Variants in SPON2 observed in about 807,000 individuals in gnomAD.
SPON2 encodes the protein spondin 2, also known as spondin-2.
SPON2 carries 32 observed loss-of-function variants against 29.9 expected under a neutral mutation model. The ratio of observed to expected loss-of-function variants is 1.07; its 90% CI spans 0.81 to 1.44. The LOEUF is 1.44. Ranked by LOEUF, SPON2 falls within the 40% of genes most tolerant of loss-of-function variation. SPON2 has a pLI of 0.00. For synonymous variants in SPON2, 248 were observed against 209.1 expected, an observed-to-expected ratio of 1.19 and a Z score of -1.61; for missense variants, 541 against 455.5, an observed-to-expected ratio of 1.19 and a Z score of -1.71.
chr4:1,167,733 C>T, intron 5 of SPON2, 77 bp from the exon 6 acceptor site: 9 of 1,466,874 alleles, frequency 6.1e-6, no homozygotes, highest in African/African-American at 1.4e-5. Context: ...CCACCTCCCA[C>T]CAACGTGTGC....
chr4:1,197,919 G>A (rs1181312913), upstream of SPON2, among the ~76,000 whole-genome samples: 1 of 152,004 alleles, frequency 6.6e-6, no homozygotes, highest in African/African-American at 2.4e-5. Context: ...ATGGTGGTGC[G>A]TGCCCGTAGT....
At chr4:1,175,476 T>TG (rs1459419696), upstream of SPON2, among the ~76,000 whole-genome samples, 4 of 151,952 alleles carry the variant, frequency 2.6e-5, no homozygotes, top group Non-Finnish European at 2.9e-5. Flanking sequence ...GGGCCCAGGC[T>TG]GGGGGGTCTC....
intron 1 of SPON2, among the ~76,000 whole-genome samples, chr4:1,188,022 T>C (rs1727836850): frequency 6.7e-6 from 1 of 150,030 alleles, no homozygotes; most frequent in Non-Finnish European, 1.5e-5. Context: ...GCCAACACGA[T>C]GAAACACCGT....
chr4:1,194,377 G>A (rs1727989608), intron 1 of SPON2, among the ~76,000 whole-genome samples: 1 of 152,186 alleles, frequency 6.6e-6, no homozygotes, highest in Non-Finnish European at 1.5e-5. Flanking sequence ...GCCCCAGGGT[G>A]GGAGGCCTGG....
At chr4:1,184,626 T>C (rs1357845775) in intron 1 of SPON2, among the ~76,000 whole-genome samples, 1 of 152,072 alleles carries the variant, frequency 6.6e-6, no homozygotes, top group Non-Finnish European at 1.5e-5. Context: ...TACTACAAGG[T>C]TCCAGTAATC....
At chr4:1,200,673 C>T in intron 1 of SPON2, 1 of 382,794 alleles carries the variant, frequency 2.6e-6, no homozygotes, top group South Asian at 1.9e-5. Flanking sequence ...CACTGCAGGC[C>T]AGGTGTGGAC....
rs1411429391 is a variant in SPON2, at chr4:1,171,891, G to A, written c.181C>T (p.Pro61Ser). ...CACTGCGCAGGGGGGCGGAACAGGG[G>A]GTACTGCTTGGGGAAGGCCGTCTGG... ...WSQTAFPKQY[P>S]LFRPPAQWSS... Residue 61 changes from proline to serine, a missense_variant, in exon 2 of 6, where the codon CCC becomes TCC. Pro to Ser is a moderately conservative substitution (Grantham distance 74). Transcript: ENST00000290902. 1 of 1,612,848 alleles carries A rather than the reference G, an allele frequency of 6.2e-7. No homozygotes were observed. The highest frequency in any genetic ancestry group is 8.5e-7 in the Non-Finnish European group (1 of 1,179,918).
At chr4:1,201,224 G>C (rs949347038) in intron 1 of SPON2, 12 of 427,114 alleles carry the variant, frequency 2.8e-5, no homozygotes, top group Non-Finnish European at 5.3e-5. Flanking sequence ...CAAAGAGGGG[G>C]TGGGTCTGGC....
upstream of SPON2, among the ~76,000 whole-genome samples, chr4:1,197,743 G>T (rs1382850412): frequency 2.0e-5 from 3 of 152,118 alleles, no homozygotes; most frequent in Non-Finnish European, 2.9e-5. Flanking sequence ...CAGCCCAAAA[G>T]CTGCATCAAG....
Position 1,170,862 on chromosome 4 carries a change from G to C in SPON2, c.636+137C>G, listed in dbSNP as rs1359772237. ...CTGCACCCCCTTGCTCACTGCTGGC[G>C]CTAGAAGCAGAGCCTCTTCCACACA... On this transcript the variant is annotated intron_variant, in intron 4 of 5. Transcript: ENST00000290902. 6.4e-6 allele frequency: 8 copies of C among 1,255,924 alleles called. No individual in the cohort carries two copies. The South Asian group carries it at 7.7e-5, about 12-fold the overall frequency. The allele number at this position is 1,255,924 out of a possible 1,614,324, so 77.8% of individuals were successfully genotyped here.
At chr4:1,170,322 C>T (rs555480249) in intron 5 of SPON2, 80 bp downstream of exon 5, 2 of 1,400,280 alleles carry the variant, frequency 1.4e-6, no homozygotes, top group East Asian at 4.6e-5. Flanking sequence ...TTTCTCAGAG[C>T]CTTAGGTTCG....
At chr4:1,203,991 C>T (rs954041741) in intron 1 of SPON2, among the ~76,000 whole-genome samples, 8 of 152,158 alleles carry the variant, frequency 5.3e-5, no homozygotes, top group African/African-American at 1.9e-4. Flanking sequence ...TTGCCTCTGC[C>T]TCCTGAGTAG....
chr4:1,197,967 GAA>G (rs1728105816), upstream of SPON2, among the ~76,000 whole-genome samples: 1 of 150,542 alleles, frequency 6.6e-6, no homozygotes, highest in Non-Finnish European at 1.5e-5. Context: ...ACAATTGCTT[GAA>G]TCCGGGAGGT....
At chr4:1,193,555 G>C (rs953845423) in intron 1 of SPON2, among the ~76,000 whole-genome samples, 1 of 144,488 alleles carries the variant, frequency 6.9e-6, no homozygotes, top group African/African-American at 2.6e-5. Flanking sequence ...CCCAGCAACA[G>C]GGGTCACTCC....
At chr4:1,185,977 G>GCT (rs1312458907) in intron 1 of SPON2, among the ~76,000 whole-genome samples, 3 of 151,860 alleles carry the variant, frequency 2.0e-5, no homozygotes, top group African/African-American at 7.3e-5. Flanking sequence ...GGGCGTGGTG[G>GCT]CTCACGCCTG....
chr4:1,200,564 T>G (rs1456031515), intron 1 of SPON2: 1 of 340,456 alleles, frequency 2.9e-6, no homozygotes, highest in African/African-American at 2.1e-5. Context: ...GTGTAAACCA[T>G]GAGCTCACCC....
intron 1 of SPON2, among the ~76,000 whole-genome samples, chr4:1,191,316 T>C (rs1189360720): frequency 6.6e-6 from 1 of 152,182 alleles, no homozygotes; most frequent in Non-Finnish European, 1.5e-5. Flanking sequence ...CCTACTTTTA[T>C]GGTGAACTGG....
chr4:1,174,849 G>A (rs1284527626), upstream of SPON2, among the ~76,000 whole-genome samples: 2 of 152,240 alleles, frequency 1.3e-5, no homozygotes, highest in Admixed American at 6.5e-5. Context: ...GTTGGTTGAA[G>A]TCTATGAAGA....
At chr4:1,197,968 A>G (rs908560617), upstream of SPON2, among the ~76,000 whole-genome samples, 9 of 151,962 alleles carry the variant, frequency 5.9e-5, no homozygotes, top group Admixed American at 5.9e-4. Flanking sequence ...CAATTGCTTG[A>G]ATCCGGGAGG....
Sources: gnomAD v4.1 joint callset for allele counts (sites outside exome capture counted in the v4.1 genomes callset) on GRCh38, gnomAD v4.1.1 for gene constraint, MANE v1.5 for transcripts, NCBI Gene and HGNC (gene_info 2026-07-23, HGNC 2026-07-21) for gene names.